The following RYK variants were observed in gnomAD, a reference collection of about 807,000 sequenced individuals.
RYK encodes the protein receptor like tyrosine kinase, also known as inactive tyrosine-protein kinase RYK.
A neutral mutation model predicts 70.2 loss-of-function variants in RYK; 21 were observed. That is an observed-to-expected ratio of 0.30 (90% CI 0.21 to 0.43). The LOEUF is 0.43. Among genes scored for constraint, RYK ranks in the 20% least tolerant of loss-of-function variants. The pLI, the probability that RYK is intolerant of heterozygous loss-of-function variation, is 1.00. For missense variants in RYK, 604 were observed against 753.3 expected, an observed-to-expected ratio of 0.80 and a Z score of 2.32; for synonymous variants, 267 against 278.0, an observed-to-expected ratio of 0.96 and a Z score of 0.39.
chr3:134,226,399 G>C (rs1322165595), intron 1 of RYK, among the ~76,000 whole-genome samples: 1 of 152,086 alleles, frequency 6.6e-6, no homozygotes, highest in Non-Finnish European at 1.5e-5. Context: ...GGCTTCATTA[G>C]TGAATTCTAT....
chr3:134,229,014 T>TA (rs1438404837), intron 1 of RYK, among the ~76,000 whole-genome samples: 1 of 151,936 alleles, frequency 6.6e-6, no homozygotes, highest in African/African-American at 2.4e-5. Flanking sequence ...AATAAAAATT[T>TA]AAAAAATAAA....
Position 134,211,561 on chromosome 3 carries a change from T to C in RYK, c.401A>G (p.Asp134Gly). 6.2e-7 allele frequency: 1 copy of C among 1,613,814 alleles called. No individual in the cohort carries two copies. The highest frequency in any genetic ancestry group is 8.5e-7 in the Non-Finnish European group (1 of 1,179,798). The change falls in exon 3 of 15, where the codon GAT (aspartate) becomes GGT (glycine). Residue 134 changes from aspartate (D) to glycine (G), a missense_variant. Physicochemically the swap from Asp to Gly is moderately conservative, Grantham distance 94. Coordinates refer to ENST00000623711, the MANE Select transcript of RYK (RefSeq NM_002958.4). ...AACAGAAATGTTGACCTGGGGCATA[T>C]CCATTGCCAAAACATTGTCCACTTG... ...GFQVDNVLAM[D>G]MPQVNISVQG... is the part of the protein sequence containing the mutation.
At chr3:134,204,739 T>C (rs549230570) in intron 5 of RYK, among the ~76,000 whole-genome samples, 1 of 152,084 alleles carries the variant, frequency 6.6e-6, no homozygotes, top group African/African-American at 2.4e-5. Context: ...CATGAAAGAT[T>C]TGATCACGAG....
In RYK at chr3:134,191,784, A is replaced by G. The variant is rs2013647574; in HGVS notation, c.1015+65T>C. On this transcript the variant is annotated intron_variant, in intron 8 of 14. Transcript: ENST00000623711. ...TGAGATGAAATTTTTTAAATTTTTGAAAAAAGTGTCTATAGTGGTAACATT... is the reference window on the plus strand; with the variant it reads ...TGAGATGAAATTTTTTAAATTTTTGGAAAAAGTGTCTATAGTGGTAACATT... 5.9e-6 allele frequency: 8 copies of G among 1,351,696 alleles called. No homozygotes were observed. In the East Asian group the frequency reaches 1.8e-4, roughly 30 times the overall value. The allele number at this position is 1,351,696 out of a possible 1,614,324, so 83.7% of individuals were successfully genotyped here. A position where few individuals can be genotyped will look rare whatever the true frequency, so the allele number is the denominator to read the frequency against.
At chr3:134,199,873 T>C (rs552967350) in intron 6 of RYK, among the ~76,000 whole-genome samples, 41 of 152,186 alleles carry the variant, frequency 2.7e-4, no homozygotes, top group African/African-American at 9.9e-4. Context: ...ACTCTGTGTC[T>C]AGCTAAAGGT....
chr3:134,207,861 T>C (rs898396596), intron 4 of RYK, among the ~76,000 whole-genome samples: 1 of 152,228 alleles, frequency 6.6e-6, no homozygotes, highest in African/African-American at 2.4e-5. Context: ...AAAACTTGTC[T>C]AACCCATAAT....
At chr3:134,220,392 T>A (rs1314195357) in intron 2 of RYK, among the ~76,000 whole-genome samples, 2 of 152,178 alleles carry the variant, frequency 1.3e-5, no homozygotes, top group Non-Finnish European at 2.9e-5. Flanking sequence ...AATGCCCTTT[T>A]TCTTAGAAAA....
chr3:134,173,924 G>A (rs1286416585), intron 13 of RYK, among the ~76,000 whole-genome samples: 1 of 152,180 alleles, frequency 6.6e-6, no homozygotes, highest in Non-Finnish European at 1.5e-5. Flanking sequence ...TGAACTGAAT[G>A]GTAGCCCCAA....
intron 1 of RYK, among the ~76,000 whole-genome samples, chr3:134,234,136 C>A (rs937294466): frequency 2.0e-5 from 3 of 151,954 alleles, no homozygotes; most frequent in Non-Finnish European, 4.4e-5. Flanking sequence ...TAAAAGTGTT[C>A]AAAAACATGT....
chr3:134,183,225 C>A, intron 9 of RYK, 154 bp from the exon 10 acceptor site: 1 of 417,208 alleles, frequency 2.4e-6, no homozygotes, highest in Non-Finnish European at 4.2e-6. Flanking sequence ...GATAAAAATT[C>A]TACTGCAGTC....
chr3:134,243,019 TCTGGCA>T (rs2015367512), intron 1 of RYK, among the ~76,000 whole-genome samples: 1 of 152,186 alleles, frequency 6.6e-6, no homozygotes, highest in African/African-American at 2.4e-5. Context: ...ATCTGGGCCC[TCTGGCA>T]GGTTATGCCA....
At chr3:134,197,683 A>G (rs2013858275) in intron 6 of RYK, among the ~76,000 whole-genome samples, 1 of 152,212 alleles carries the variant, frequency 6.6e-6, no homozygotes, top group Non-Finnish European at 1.5e-5. Context: ...GAAGAGGAGC[A>G]TTACCATCCT....
intron 1 of RYK, among the ~76,000 whole-genome samples, chr3:134,241,614 G>A (rs915231218): frequency 6.6e-6 from 1 of 152,190 alleles, no homozygotes; most frequent in African/African-American, 2.4e-5. Context: ...CCCCATCTCA[G>A]ATCAATTCAA....
intron 13 of RYK, among the ~76,000 whole-genome samples, chr3:134,162,050 T>C (rs966525102): frequency 4.6e-5 from 7 of 152,210 alleles, no homozygotes; most frequent in African/African-American, 1.7e-4. Flanking sequence ...GGTTTGCAGC[T>C]GCAGCCCTGC....
chr3:134,211,085 A>G (rs2014378404), intron 3 of RYK, among the ~76,000 whole-genome samples: 1 of 152,196 alleles, frequency 6.6e-6, no homozygotes, highest in Admixed American at 6.5e-5. Flanking sequence ...GGCAGATGGT[A>G]AAGGATCCAG....
intron 6 of RYK, chr3:134,202,507 C>G: frequency 2.2e-6 from 1 of 458,778 alleles, no homozygotes; most frequent in South Asian, 3.1e-5. Flanking sequence ...CCACTTCTTC[C>G]TCAACAACTA....
At position 134,250,434 on chromosome 3, in the gene RYK, C is replaced by T; in HGVS notation, c.221G>A (p.Arg74His). Residue 74 changes from arginine (R) to histidine (H), a missense_variant, in exon 1 of 15, where the codon CGC (arginine) becomes CAC (histidine). Arg to His is a conservative substitution (Grantham distance 29). Around this residue, in one of 2 missense-constraint regions of RYK, gnomAD observed 466 missense variants for 535.9 expected, o/e 0.87. Coordinates refer to ENST00000623711, the MANE Select transcript of RYK (RefSeq NM_002958.4). ...GCGGCCCCACTCACCGATCAGCCGG[C>T]GCACCTCGTCCTCGCTCAGGTAGAG... ...VSLYLSEDEVRRLIGLDAELY... is the reference protein window; with the variant it reads ...VSLYLSEDEVHRLIGLDAELY... 1 of 1,405,288 alleles carries T rather than the reference C, an allele frequency of 7.1e-7. No individual in the cohort carries two copies. Among genetic ancestry groups the T allele is most frequent in the Non-Finnish European group, 9.3e-7 (1 of 1,077,276 alleles). 87.1% of individuals were successfully genotyped at this position (1,405,288 alleles called of 1,614,324 possible).
chr3:134,163,305 A>G (rs972569652), intron 13 of RYK, among the ~76,000 whole-genome samples: 2 of 152,212 alleles, frequency 1.3e-5, no homozygotes, highest in South Asian at 2.1e-4. Context: ...CTTGCTCTCT[A>G]AGGTCTTCCG....
intron 1 of RYK, among the ~76,000 whole-genome samples, 152 bp from the exon 2 acceptor site, chr3:134,222,691 A>G (rs1427197382): frequency 6.6e-6 from 1 of 152,194 alleles, no homozygotes; most frequent in African/African-American, 2.4e-5. Flanking sequence ...ATGAAGCAAA[A>G]AAGACACGGG....
Sources: allele counts gnomAD v4.1 joint callset (sites outside exome capture counted in the v4.1 genomes callset), GRCh38; gene constraint gnomAD v4.1.1; regional missense constraint gnomAD v4.1.1; transcripts MANE v1.5; gene names NCBI Gene and HGNC (gene_info 2026-07-23, HGNC 2026-07-21).